FRMD6: variants seen among roughly 807,000 people sequenced by gnomAD.
The protein encoded by FRMD6 is FERM domain-containing protein 6.
In FRMD6, 37 loss-of-function variants were observed where a neutral mutation model predicts 73.2. The ratio of observed to expected loss-of-function variants is 0.51; its 90% CI spans 0.39 to 0.66. The LOEUF (loss-of-function observed/expected upper bound fraction) is 0.66, where lower values mean the gene tolerates loss of function less well. Among genes scored for constraint, FRMD6 ranks in the 30% least tolerant of loss-of-function variants. The pLI is 0.00. For missense variants in FRMD6, 714 were observed against 780.5 expected, an observed-to-expected ratio of 0.91 and a Z score of 1.02; for synonymous variants, 273 against 282.2, an observed-to-expected ratio of 0.97 and a Z score of 0.33.
the FRMD6 span, among the ~76,000 whole-genome samples, chr14:51,479,302 T>C: frequency 6.6e-6 from 1 of 152,210 alleles, no homozygotes; most frequent in African/African-American, 2.4e-5. Flanking sequence ...TTCACTCTTA[T>C]AGGGTAGAAA....
At chr14:51,694,378 A>T (rs942338577) in intron 2 of FRMD6, among the ~76,000 whole-genome samples, 2 of 152,208 alleles carry the variant, frequency 1.3e-5, no homozygotes, top group Non-Finnish European at 2.9e-5. Flanking sequence ...TTAGGATCAC[A>T]TACTATTTTA....
chr14:51,482,002 A>T, the FRMD6 span, among the ~76,000 whole-genome samples: 1 of 152,374 alleles, frequency 6.6e-6, no homozygotes, highest in Non-Finnish European at 1.5e-5. Context: ...GAAGGCAAGC[A>T]GTATGGTTAT....
intron 2 of FRMD6, among the ~76,000 whole-genome samples, chr14:51,603,153 C>A (rs939210008): frequency 2.0e-5 from 3 of 152,172 alleles, no homozygotes; most frequent in Admixed American, 6.5e-5. Context: ...ATCTACCAAC[C>A]AGAACTCCAG....
Position 51,704,743 on chromosome 14 carries a change from T to C in FRMD6, c.372-6T>C. Reference sequence around the variant, plus strand: ...ATGTGAGTTCTGTTTTCTTTTATTTTTCTAGTGACAGAGCAGCAAGATACT... The same window carrying C: ...ATGTGAGTTCTGTTTTCTTTTATTTCTCTAGTGACAGAGCAGCAAGATACT... On this transcript the variant is annotated splice_region_variant and splice_polypyrimidine_tract_variant and intron_variant, in intron 5 of 13. Coordinates refer to ENST00000344768, the MANE Select transcript of FRMD6 (RefSeq NM_001267046.2). 1.9e-6 allele frequency: 3 copies of C among 1,600,898 alleles called. No individual in the cohort carries two copies. Among genetic ancestry groups the C allele is most frequent in the Non-Finnish European group, 2.6e-6 (3 of 1,172,046 alleles).
upstream of FRMD6, chr14:51,649,697 G>A (rs1033024026): frequency 3.3e-5 from 5 of 152,066 alleles, no homozygotes; most frequent in Admixed American, 6.5e-5. Flanking sequence ...ACCTTTAAAT[G>A]CCTACACTGT....
At chr14:51,428,559 G>A in the FRMD6 span, among the ~76,000 whole-genome samples, 3 of 152,182 alleles carry the variant, frequency 2.0e-5, no homozygotes, top group South Asian at 2.1e-4. Flanking sequence ...TAGAAAATGC[G>A]ATCCTGGACC....
rs1172237611 is a variant in FRMD6, at chr14:51,540,255, T to A, written c.-209-30093T>A. ...CCACTTGTTGGTGTGTGACAAACTTTCTGCCCTATTCTTGGAATCCATGTT... is the reference window on the plus strand; with the variant it reads ...CCACTTGTTGGTGTGTGACAAACTTACTGCCCTATTCTTGGAATCCATGTT... On this transcript the variant is annotated intron_variant, in intron 1 of 14. Coordinates refer to the FRMD6 transcript ENST00000356218. 2.6e-5 allele frequency among the ~76,000 whole-genome samples: 4 copies of A among 152,164 alleles called. No individual in the cohort carries two copies. The South Asian group carries it at 8.3e-4, about 31-fold the overall frequency.
intron 1 of FRMD6, among the ~76,000 whole-genome samples, chr14:51,688,204 G>A (rs1454180451): frequency 6.6e-6 from 1 of 151,906 alleles, no homozygotes; most frequent in Non-Finnish European, 1.5e-5. Context: ...TAGTGAGAAC[G>A]ATAGCACAGG....
chr14:51,722,093 G>C lies in FRMD6; in HGVS notation c.1492+13G>C. On this transcript the variant is annotated intron_variant, in intron 12 of 13. Coordinates refer to ENST00000344768, the MANE Select transcript of FRMD6 (RefSeq NM_001267046.2). ...AATGGACACTCTGGTGAGCTCTTAC[G>C]GGAAGTTATTCTTCCTTGGTAGCAG... 1 of 1,613,312 alleles carries C rather than the reference G, an allele frequency of 6.2e-7. No individual in the cohort carries two copies. The highest frequency in any genetic ancestry group is 8.5e-7 in the Non-Finnish European group (1 of 1,179,546).
intron 1 of FRMD6, among the ~76,000 whole-genome samples, chr14:51,549,933 G>C (rs1004954200): frequency 2.0e-5 from 3 of 152,198 alleles, no homozygotes; most frequent in African/African-American, 7.2e-5. Context: ...GACTCTGCCT[G>C]CAACATTGAC....
At chr14:51,632,194 A>G (rs1891362728) in intron 2 of FRMD6, among the ~76,000 whole-genome samples, 1 of 152,166 alleles carries the variant, frequency 6.6e-6, no homozygotes, top group Non-Finnish European at 1.5e-5. Flanking sequence ...TTCTGCCATG[A>G]TTCTAAGTTT....
chr14:51,419,035 A>G, the FRMD6 span, among the ~76,000 whole-genome samples: 1 of 152,150 alleles, frequency 6.6e-6, no homozygotes, highest in African/African-American at 2.4e-5. Flanking sequence ...ACCATTGGAA[A>G]AGCACAGTAT....
chr14:51,629,045 T>A (rs1355170797), intron 2 of FRMD6, among the ~76,000 whole-genome samples: 1 of 151,382 alleles, frequency 6.6e-6, no homozygotes, highest in Non-Finnish European at 1.5e-5. Context: ...CCCGGCTAAT[T>A]TTTTGTATTT....
Position 51,712,502 on chromosome 14 carries a change from A to C in FRMD6, c.800A>C (p.Gln267Pro). The C allele has an allele frequency of 6.3e-7, 1 of 1,597,858 alleles. No individual in the cohort carries two copies. The highest frequency in any genetic ancestry group is 8.6e-7 in the Non-Finnish European group (1 of 1,165,942). ...QIFQNLDEEK[Q>P]LLYDFPWTNV... ...TCACAGAATTTAGATGAAGAGAAAC[A>C]ATTACTTTATGATTTCCCCTGGACA... The change falls in exon 9 of 14, where the codon CAA becomes CCA. Residue 267 changes from glutamine (Q) to proline (P), a missense_variant. Coordinates refer to ENST00000344768, the MANE Select transcript of FRMD6 (RefSeq NM_001267046.2).
chr14:51,460,112 A>G, the FRMD6 span, among the ~76,000 whole-genome samples: 5 of 152,254 alleles, frequency 3.3e-5, no homozygotes, highest in South Asian at 1.0e-3. Context: ...CATTCAACAA[A>G]TATTTATTGA....
chr14:51,436,654 T>A, the FRMD6 span: 15 of 533,722 alleles, frequency 2.8e-5, no homozygotes, highest in East Asian at 5.3e-4. Context: ...CCTGGTTTAC[T>A]GACCATTCTG....
At chr14:51,702,375 C>T (rs1896376238) in intron 4 of FRMD6, 137 bp from the exon 5 acceptor site, 2 of 689,222 alleles carry the variant, frequency 2.9e-6, no homozygotes, top group Non-Finnish European at 2.6e-6. Flanking sequence ...TACTACAAGC[C>T]CCTACTCATT....
At chr14:51,710,361 A>G (rs559200976) in intron 7 of FRMD6, among the ~76,000 whole-genome samples, 3 of 151,270 alleles carry the variant, frequency 2.0e-5, no homozygotes, top group South Asian at 2.1e-4. Context: ...AACATTCTGG[A>G]AAAAAAACCC....
chr14:51,584,099 ACTC>A (rs1242599524), intron 2 of FRMD6: 1 of 152,020 alleles, frequency 6.6e-6, no homozygotes. Context: ...ATCAATGTCA[ACTC>A]CTCCTTTTAT....
Sources: allele counts gnomAD v4.1 joint callset (sites outside exome capture counted in the v4.1 genomes callset), GRCh38; gene constraint gnomAD v4.1.1; transcripts MANE v1.5; gene names NCBI Gene and HGNC (gene_info 2026-07-23, HGNC 2026-07-21).